Variants in LAMA5 observed in about 807,000 individuals in gnomAD.
LAMA5 encodes the protein laminin subunit alpha 5, also known as laminin subunit alpha-5.
LAMA5 carries 260 observed loss-of-function variants against 433.4 expected under a neutral mutation model. That is an observed-to-expected ratio of 0.60 (90% confidence interval 0.54 to 0.66). The LOEUF (loss-of-function observed/expected upper bound fraction) is 0.66. LAMA5 is among the 30% of genes least tolerant of loss of function. The pLI is 0.00. For missense variants in LAMA5, 5,378 were observed against 5,258.5 expected (o/e 1.02, Z -0.70); for synonymous variants, 2,620 against 2,226.6 (o/e 1.18, Z -4.97).
chr20:62,358,091 A>AGG (rs1985501903), intron 2 of LAMA5, among the ~76,000 whole-genome samples: 2 of 151,206 alleles, frequency 1.3e-5, no homozygotes, highest in African/African-American at 4.9e-5. Flanking sequence ...GGGGACCACC[A>AGG]GGGCCTGGGG....
chr20:62,311,599 G>A lies in LAMA5; in HGVS notation c.9806+15C>T, dbSNP rs551943498. 3.0e-5 allele frequency: 49 copies of A among 1,607,168 alleles called. No individual in the cohort carries two copies. The highest frequency in any genetic ancestry group is 1.7e-4 in the Middle Eastern group (1 of 5,964). On this transcript the variant is annotated intron_variant, in intron 71 of 79. Transcript: ENST00000252999. The stretch of plus-strand genomic sequence containing the variant: ...GCCAGCTGGGACCTTGTCCCCCAGC[G>A]CCCACCAGGCTCACCGCTGCACGAA...
rs770477724 is a variant in LAMA5 at position 62,327,367 on chromosome 20, G to A, written c.4978C>T (p.Arg1660Trp). ...MEGWVLLSTD[R>W]QVVPHERQPG... is the part of the protein sequence containing the mutation. ...TGCCGCTCGTGGGGCACCACCTGCCGGTCAGTGCTCAGCAGCACCCATCCC... is the reference window on the plus strand; with the variant it reads ...TGCCGCTCGTGGGGCACCACCTGCCAGTCAGTGCTCAGCAGCACCCATCCC... The change falls in exon 38 of 80, where the codon CGG (arginine) becomes TGG (tryptophan). Residue 1660 changes from arginine to tryptophan, a missense_variant. Coordinates refer to ENST00000252999, the MANE Select transcript of LAMA5 (RefSeq NM_005560.6). 7.9e-5 allele frequency: 127 copies of A among 1,598,130 alleles called. 1 individual carries two copies. Among genetic ancestry groups the A allele is most frequent in the Non-Finnish European group, 9.6e-5 (112 of 1,172,214 alleles).
chr20:62,312,804 G>T lies in LAMA5; in HGVS notation c.9079-24C>A, dbSNP rs557393649. ...ATCTACAGGACCAGTGGGGGCTCCA[G>T]GGCCAGCTGTGTCCCTGCGGCCTGC... On this transcript the variant is annotated intron_variant, in intron 66 of 79. Transcript: ENST00000252999. 3.1e-6 allele frequency: 5 copies of T among 1,597,866 alleles called. No homozygotes were observed. The South Asian group carries it at 4.5e-5, about 14-fold the overall frequency.
Position 62,324,779 on chromosome 20 carries a change from C to A in LAMA5, c.5530-225G>T, listed in dbSNP as rs901250419. ...TTTGAGGACATAGCTCTCAAAGCCA[C>A]ACGGATGTCCTGTCTCGGGAATGAC... On this transcript the variant is annotated intron_variant, in intron 41 of 79. Coordinates refer to ENST00000252999, the MANE Select transcript of LAMA5 (RefSeq NM_005560.6). The surrounding 1 kb of genome is among the most constrained non-coding windows in gnomAD (Gnocchi z 4.4). 11 of 551,900 alleles carry A rather than the reference C, an allele frequency of 2.0e-5. No homozygotes were observed. In the East Asian group the frequency reaches 2.8e-4, roughly 14 times the overall value. 34.2% of individuals were successfully genotyped at this position (551,900 alleles called of 1,614,324 possible).
rs1393539939 is a variant in LAMA5 at position 62,353,162 on chromosome 20, G to A, written c.540C>T (p.Arg180=). The A allele has an allele frequency of 3.2e-6, 5 of 1,578,194 alleles. No individual in the cohort carries two copies. The South Asian group carries it at 3.5e-5, about 11-fold the overall frequency. ...CAAAGAACTGCCAGGGCTGGTAGGT[G>A]CGGCCGAAGTCCATGGACCGCTCCA... ...WVLERSMDFG[R]TYQPWQFFAS... Residue 180 remains arginine, a synonymous_variant, in exon 3 of 80, where the codon CGC becomes CGT. Coordinates refer to ENST00000252999, the MANE Select transcript of LAMA5 (RefSeq NM_005560.6).
At chr20:62,315,274 T>C (rs1044440026) in intron 58 of LAMA5, 67 bp from the exon 59 acceptor site, 103 of 1,398,512 alleles carry the variant, frequency 7.4e-5, no homozygotes, top group Non-Finnish European at 1.0e-4. Context: ...TGTCCCCAAG[T>C]CTTTCTGTTG....
intron 78 of LAMA5, 70 bp from the exon 79 acceptor site, chr20:62,309,905 C>T: frequency 6.9e-6 from 11 of 1,605,650 alleles, no homozygotes; most frequent in Non-Finnish European, 7.6e-6. Flanking sequence ...CAAAAGAAGC[C>T]ACCCCACCCA....
intron 2 of LAMA5, among the ~76,000 whole-genome samples, chr20:62,355,899 AAAGGCTCCG>A (rs1985142592): frequency 6.6e-6 from 1 of 152,056 alleles, no homozygotes; most frequent in Admixed American, 6.6e-5. Context: ...CCCTCCCACC[AAAGGCTCCG>A]AAGGAGACTA....
intron 31 of LAMA5, among the ~76,000 whole-genome samples, 168 bp downstream of exon 31, chr20:62,330,320 G>A (rs771747713): frequency 2.6e-5 from 4 of 152,246 alleles, no homozygotes; most frequent in African/African-American, 7.2e-5. Context: ...GAACGGGAGC[G>A]GGCGGGTAGG....
intron 4 of LAMA5, 22 bp from the exon 5 acceptor site, chr20:62,352,101 G>A (rs1376316967): frequency 4.4e-6 from 7 of 1,607,748 alleles, no homozygotes; most frequent in Admixed American, 3.3e-5. Context: ...ATGCGGTGAC[G>A]CCAGTGTGGC....
intron 40 of LAMA5, 72 bp from the exon 41 acceptor site, chr20:62,325,618 C>T: frequency 9.7e-7 from 1 of 1,035,040 alleles, no homozygotes; most frequent in Non-Finnish European, 1.4e-6. Context: ...GAACAGACCC[C>T]CCAACCCTGT....
intron 1 of LAMA5, among the ~76,000 whole-genome samples, chr20:62,366,147 G>T (rs140626752): frequency 1.3e-5 from 2 of 152,166 alleles, no homozygotes; most frequent in Admixed American, 6.5e-5. Flanking sequence ...GTTGGGAGCC[G>T]TTGGAGCTGA....
At chr20:62,347,684 A>G (rs1455433004) in intron 6 of LAMA5, among the ~76,000 whole-genome samples, 1 of 152,134 alleles carries the variant, frequency 6.6e-6, no homozygotes, top group African/African-American at 2.4e-5. Flanking sequence ...ACAAGGCCTG[A>G]GGTTGGAAGC....
In LAMA5 at chr20:62,346,864, A is replaced by G. The variant is rs746328168; in HGVS notation, c.1072+49T>C. ...CAGGCCCGGGCACCGGGGCCCTCTCATGGGCCAGGGTGTGGGCAGGACACA... is the reference window on the plus strand; with the variant it reads ...CAGGCCCGGGCACCGGGGCCCTCTCGTGGGCCAGGGTGTGGGCAGGACACA... On this transcript the variant is annotated intron_variant, in intron 7 of 79. Coordinates refer to ENST00000252999, the MANE Select transcript of LAMA5 (RefSeq NM_005560.6). The G allele has an allele frequency of 1.9e-6, 3 of 1,605,836 alleles. No individual in the cohort carries two copies. The Admixed American group carries it at 5.0e-5, about 27-fold the overall frequency.
Position 62,330,850 on chromosome 20 carries a change from T to C in LAMA5, c.3745A>G (p.Thr1249Ala), listed in dbSNP as rs1321828273. 2 of 1,541,514 alleles carry C rather than the reference T, an allele frequency of 1.3e-6. No individual in the cohort carries two copies. Among genetic ancestry groups the C allele is most frequent in the Middle Eastern group, 3.4e-4 (2 of 5,966 alleles). Residue 1249 changes from threonine (T) to alanine (A), a missense_variant, in exon 30 of 80, where the codon ACC (threonine) becomes GCC (alanine). Thr to Ala is a moderately conservative substitution (Grantham distance 58). Transcript: ENST00000252999. ...VIPLPPGLPL[T>A]HAQDLTPAMS... ...GCTGGAGTGAGATCCTGCGCGTGGGTCAGCGGGAGGCCGGGCGGCAGCGGG... is the reference window on the plus strand; with the variant it reads ...GCTGGAGTGAGATCCTGCGCGTGGGCCAGCGGGAGGCCGGGCGGCAGCGGG...
intron 2 of LAMA5, among the ~76,000 whole-genome samples, chr20:62,354,318 A>C (rs1302541935): frequency 6.8e-6 from 1 of 147,446 alleles, no homozygotes; most frequent in Admixed American, 6.8e-5. Flanking sequence ...GCCTCTGATC[A>C]GCCTGGGCTT....
rs1979798359 is a variant in LAMA5, at chr20:62,328,845, C to T, written c.4446G>A (p.Arg1482=). 6.2e-7 allele frequency: 1 copy of T among 1,610,990 alleles called. No homozygotes were observed. Among genetic ancestry groups the T allele is most frequent in the African/African-American group, 1.3e-5 (1 of 74,862 alleles). The change falls in exon 34 of 80, where the codon AGG becomes AGA. Residue 1482 remains arginine (R), a splice_region_variant and synonymous_variant. Coordinates refer to ENST00000252999, the MANE Select transcript of LAMA5 (RefSeq NM_005560.6). ...GCGCCCAAGGACTGGGGTACTCACG[C>T]CTGCAGTTGGGGAAGCCCCAGTATC... The part of the protein sequence containing the change: ...ATGYWGFPNC[R]PCDCGARLCD...
At chr20:62,349,885 T>G in intron 6 of LAMA5, among the ~76,000 whole-genome samples, 2 of 80,154 alleles carry the variant, frequency 2.5e-5, no homozygotes, top group African/African-American at 4.6e-5. Flanking sequence ...TGGGTGGGAG[T>G]AAGGTGATGG....
At chr20:62,351,865 A>G (rs1479843916) in intron 5 of LAMA5, 44 bp downstream of exon 5, 3 of 1,574,488 alleles carry the variant, frequency 1.9e-6, no homozygotes, top group Non-Finnish European at 1.7e-6. Context: ...TCCCGGGTCC[A>G]CCCGGCCAGT....
Sources: gnomAD v4.1 joint callset for allele counts (sites outside exome capture counted in the v4.1 genomes callset) on GRCh38, gnomAD v4.1.1 for gene constraint, Gnocchi (gnomAD v3.1) non-coding constraint, MANE v1.5 for transcripts, NCBI Gene and HGNC (gene_info 2026-07-23, HGNC 2026-07-21) for gene names.